The following PDPN variants were observed in gnomAD, a reference collection of about 807,000 sequenced individuals.
PDPN encodes the protein podoplanin, also known as PA2.26 antigen.
In PDPN, 12 loss-of-function variants were observed where a neutral mutation model predicts 23.2. The ratio of observed to expected loss-of-function variants is 0.52; its 90% CI spans 0.33 to 0.84. The LOEUF is 0.84. PDPN is among the 40% of genes least tolerant of loss of function. The probability of loss-of-function intolerance (pLI) is 0.02; values close to 1 mark genes in which losing one functional copy is unlikely to be tolerated. For missense variants in PDPN, 199 were observed against 212.2 expected, an observed-to-expected ratio of 0.94 and a Z score of 0.39; for synonymous variants, 77 against 76.7, an observed-to-expected ratio of 1.00 and a Z score of -0.02.
intron 5 of PDPN, among the ~76,000 whole-genome samples, chr1:13,615,572 C>G (rs1356427367): frequency 6.6e-6 from 1 of 152,060 alleles, no homozygotes; most frequent in Admixed American, 6.6e-5. Context: ...AGGCATGAGC[C>G]ACCGCACCCA....
At chr1:13,585,435 C>A (rs748433055) in intron 1 of PDPN, 27 of 1,241,492 alleles carry the variant, frequency 2.2e-5, no homozygotes, top group Non-Finnish European at 2.6e-5. Context: ...GGAATATATA[C>A]AGTTCTGTAT....
Position 13,599,011 on chromosome 1 carries a change from C to CTTTTTTTTTTTTTTTTTTTTTTT in PDPN, c.68-8145_68-8144insTTTTTTTTTTTTTTTTTTTTTTT, listed in dbSNP as rs35244657. Among the ~76,000 whole-genome samples, 43 of 127,054 alleles carry CTTTTTTTTTTTTTTTTTTTTTTT rather than the reference C, an allele frequency of 3.4e-4. 1 individual carries two copies. Among genetic ancestry groups the CTTTTTTTTTTTTTTTTTTTTTTT allele is most frequent in the Non-Finnish European group, 5.2e-4 (31 of 60,060 alleles). The allele number at this position is 127,054 out of a possible 152,430, so 83.4% of individuals were successfully genotyped here. Reference sequence around the variant, plus strand: ...ACAGTCCAAGAAAGTGCCCCCCCTCCTTTTTTTTTTTTTTTTTGGAGATGG... The same window carrying CTTTTTTTTTTTTTTTTTTTTTTT: ...ACAGTCCAAGAAAGTGCCCCCCCTCCTTTTTTTTTTTTTTTTTTTTTTTTTTTTTTTTTTTTTTTTGGAGATGG... On this transcript the variant is annotated intron_variant, in intron 1 of 5. Transcript: ENST00000621990.
chr1:13,605,387 T>C (rs1256512671), intron 1 of PDPN, among the ~76,000 whole-genome samples: 1 of 152,234 alleles, frequency 6.6e-6, no homozygotes, highest in Non-Finnish European at 1.5e-5. Context: ...CAACTGTATT[T>C]AGTCATGGAA....
At position 13,614,299 on chromosome 1, in the gene PDPN, G is replaced by T. The variant is rs757160269; in HGVS notation, c.371-1G>T. On this transcript the variant is annotated splice_acceptor_variant, in intron 4 of 5. Transcript: ENST00000621990. LOFTEE classifies it high-confidence loss of function. ...ATGCTTTTTTTCTCTCTCTTGTTCA[G>T]ATGGTTTGTCAACAGTGACCCTGGT... The T allele has an allele frequency of 2.6e-6, 4 of 1,536,086 alleles. No individual in the cohort carries two copies. In the South Asian group the frequency reaches 3.4e-5, roughly 13 times the overall value.
intron 1 of PDPN, among the ~76,000 whole-genome samples, chr1:13,597,491 A>G (rs373287512): frequency 1.3e-5 from 2 of 152,350 alleles, no homozygotes; most frequent in East Asian, 3.9e-4. Flanking sequence ...TCCAGCGTTC[A>G]GATTAGGGAG....
intron 1 of PDPN, among the ~76,000 whole-genome samples, chr1:13,594,526 G>A (rs924003799): frequency 2.6e-5 from 4 of 152,226 alleles, no homozygotes; most frequent in Non-Finnish European, 5.9e-5. Context: ...TTCAGTGCCT[G>A]TGAAGACACA....
intron 3 of PDPN, among the ~76,000 whole-genome samples, chr1:13,613,372 T>A (rs1640983366): frequency 6.6e-6 from 1 of 152,188 alleles, no homozygotes. Flanking sequence ...CCTCTGATAC[T>A]CCTTGATCAT....
intron 1 of PDPN, among the ~76,000 whole-genome samples, chr1:13,592,541 T>C (rs1306640065): frequency 7.1e-6 from 1 of 140,276 alleles, no homozygotes; most frequent in African/African-American, 2.8e-5. Context: ...GTTGAAAAGA[T>C]GATTTTTTTT....
intron 1 of PDPN, among the ~76,000 whole-genome samples, chr1:13,597,018 G>A (rs1016178388): frequency 1.4e-4 from 21 of 152,132 alleles, no homozygotes; most frequent in African/African-American, 3.4e-4. Context: ...GTTTTGAGAC[G>A]TGATAGAAAA....
intron 1 of PDPN, among the ~76,000 whole-genome samples, chr1:13,597,846 G>A (rs1425268110): frequency 4.6e-5 from 7 of 151,988 alleles, no homozygotes; most frequent in East Asian, 2.0e-4. Context: ...ATGGTGGTAC[G>A]CACTTATAGT....
intron 1 of PDPN, among the ~76,000 whole-genome samples, chr1:13,589,897 A>C (rs1640291914): frequency 6.6e-6 from 1 of 152,094 alleles, no homozygotes; most frequent in African/African-American, 2.4e-5. Context: ...GTGCGATCCC[A>C]GCTCACCGCA....
At chr1:13,607,734 C>A (rs1431954762) in intron 2 of PDPN, among the ~76,000 whole-genome samples, 1 of 152,170 alleles carries the variant, frequency 6.6e-6, no homozygotes, top group African/African-American at 2.4e-5. Flanking sequence ...CATTTCCAAT[C>A]TGTTACAGCC....
In PDPN at chr1:13,617,309, C is replaced by T. The variant is rs1035625215; in HGVS notation, c.*1398C>T. ...ATTCGGAAGCACAGCCCATTCCTCCCATTTTTTGCAATGATGTCTGGATGT... is the reference window on the plus strand; with the variant it reads ...ATTCGGAAGCACAGCCCATTCCTCCTATTTTTTGCAATGATGTCTGGATGT... On this transcript the variant is annotated 3_prime_UTR_variant, in exon 6 of 6. Transcript: ENST00000621990. The T allele has an allele frequency of 1.3e-5, 2 of 152,182 alleles. No homozygotes were observed. The highest frequency in any genetic ancestry group is 2.4e-5 in the African/African-American group (1 of 41,446). 9.4% of individuals were successfully genotyped at this position (152,182 alleles called of 1,614,324 possible). A position where few individuals can be genotyped will look rare whatever the true frequency, so the allele number is the denominator to read the frequency against.
intron 1 of PDPN, among the ~76,000 whole-genome samples, chr1:13,604,664 T>C (rs12039416): frequency 0.048 from 7,281 of 152,242 alleles, 255 homozygotes; most frequent in East Asian, 0.11. Flanking sequence ...AGTAAGTGAT[T>C]GTACTAAACC....
At chr1:13,585,219 T>C (rs1640143793) in intron 1 of PDPN, among the ~76,000 whole-genome samples, 1 of 152,174 alleles carries the variant, frequency 6.6e-6, no homozygotes, top group African/African-American at 2.4e-5. Context: ...TGAGGAATAC[T>C]TCTTGGAGAG....
At chr1:13,611,595 T>C (rs770131087) in intron 3 of PDPN, among the ~76,000 whole-genome samples, 1 of 152,222 alleles carries the variant, frequency 6.6e-6, no homozygotes, top group Non-Finnish European at 1.5e-5. Context: ...GAGGAGTTAC[T>C]GTTTAGTGGG....
chr1:13,604,156 G>A (rs1640720475), intron 1 of PDPN, among the ~76,000 whole-genome samples: 1 of 152,212 alleles, frequency 6.6e-6, no homozygotes, highest in South Asian at 2.1e-4. Flanking sequence ...GTATGTGTGT[G>A]TGTATGCGTG....
At position 13,615,916 on chromosome 1, in the gene PDPN, C is replaced by A; in HGVS notation, c.*5C>A. ...CTCTATTTTCACAGGCCCTAAAGAG[C>A]TGAAGGGTTACGCCCTGCTGCCAAC... On this transcript the variant is annotated 3_prime_UTR_variant, in exon 6 of 6. Transcript: ENST00000621990. 6.2e-7 allele frequency: 1 copy of A among 1,613,302 alleles called. No homozygotes were observed.
intron 1 of PDPN, among the ~76,000 whole-genome samples, chr1:13,594,652 T>TA (rs1278671063): frequency 2.0e-5 from 3 of 152,136 alleles, no homozygotes; most frequent in South Asian, 2.1e-4. Flanking sequence ...CATTGTCAGC[T>TA]AAAAAATGAG....
Sources: gnomAD v4.1 joint callset for allele counts (sites outside exome capture counted in the v4.1 genomes callset) on GRCh38, gnomAD v4.1.1 for gene constraint, MANE v1.5 for transcripts, NCBI Gene and HGNC (gene_info 2026-07-23, HGNC 2026-07-21) for gene names.